The following REV3L variants were observed in gnomAD, a reference collection of about 807,000 sequenced individuals.
REV3L encodes DNA polymerase zeta catalytic subunit.
In REV3L, 69 loss-of-function variants were observed where a neutral mutation model predicts 299.4. The observed-to-expected ratio is 0.23, with a 90% CI of 0.19 to 0.28. The LOEUF is 0.28. REV3L is among the 10% of genes least tolerant of loss of function. The pLI is 1.00. For missense variants in REV3L, 3,128 were observed against 3,693.8 expected (o/e 0.85, Z 3.97); for synonymous variants, 1,238 against 1,271.4 (o/e 0.97, Z 0.56).
intron 1 of REV3L, among the ~76,000 whole-genome samples, chr6:111,416,895 C>T (rs997865847): frequency 5.3e-5 from 8 of 152,116 alleles, no homozygotes; most frequent in African/African-American, 1.2e-4. Context: ...AAACAAGAGC[C>T]TTCCCTAAAA....
intron 21 of REV3L, 116 bp downstream of exon 21, chr6:111,343,809 C>T (rs1776767482): frequency 1.1e-5 from 7 of 662,356 alleles, no homozygotes; most frequent in Admixed American, 6.8e-5. Context: ...GGATTACAGG[C>T]GTAAGCCACC....
At chr6:111,482,504 A>C (rs1008119643) in intron 1 of REV3L, among the ~76,000 whole-genome samples, 4 of 150,632 alleles carry the variant, frequency 2.7e-5, no homozygotes, top group African/African-American at 9.8e-5. Flanking sequence ...CGCAGTCTAA[A>C]CACGCGGCGC....
chr6:111,468,519 T>G (rs941840582), intron 1 of REV3L, among the ~76,000 whole-genome samples: 4 of 152,072 alleles, frequency 2.6e-5, no homozygotes, highest in Non-Finnish European at 2.9e-5. Flanking sequence ...CTCAAGCATA[T>G]GAAAAAACAC....
chr6:111,450,499 A>C (rs1020439095), intron 1 of REV3L, among the ~76,000 whole-genome samples: 4 of 150,498 alleles, frequency 2.7e-5, no homozygotes, highest in East Asian at 1.9e-4. Flanking sequence ...AAAAAAAAAA[A>C]AAAAAAACCA....
intron 11 of REV3L, among the ~76,000 whole-genome samples, chr6:111,379,753 T>C (rs909500372): frequency 2.6e-5 from 4 of 152,212 alleles, no homozygotes; most frequent in Non-Finnish European, 5.9e-5. Context: ...TGTATATAAA[T>C]GGATAACTTC....
In REV3L at chr6:111,309,893, A is replaced by G. The variant is rs778163007; in HGVS notation, c.9002T>C (p.Ile3001Thr). Residue 3001 changes from isoleucine to threonine, a missense_variant, in exon 30 of 32, where the codon ATT becomes ACT. Ile to Thr is a moderately conservative substitution (Grantham distance 89, BLOSUM62 -1). Coordinates refer to ENST00000368802, the MANE Select transcript of REV3L (RefSeq NM_001372078.1). ...LPPLARIFSL[I>T]GIDVFSWYHE... Reference sequence around the variant, plus strand: ...ATACCAGCTGAAGACATCAATACCAATAAGTGAGAAGATTCTTGCCAAGGG... The same window carrying G: ...ATACCAGCTGAAGACATCAATACCAGTAAGTGAGAAGATTCTTGCCAAGGG... The G allele has an allele frequency of 8.7e-6, 14 of 1,614,026 alleles. No homozygotes were observed. Among genetic ancestry groups the G allele is most frequent in the Admixed American group, 5.0e-5 (3 of 60,000 alleles).
At chr6:111,405,428 T>C (rs1474790596) in intron 4 of REV3L, 42 bp downstream of exon 4, 45 of 1,507,620 alleles carry the variant, frequency 3.0e-5, no homozygotes, top group Non-Finnish European at 3.7e-5. Flanking sequence ...TTTCAAAACT[T>C]TAATTTGACA....
At chr6:111,480,838 G>GT (rs56230820) in intron 1 of REV3L, among the ~76,000 whole-genome samples, 18,064 of 109,006 alleles carry the variant, frequency 0.17, 1,399 homozygotes, top group Middle Eastern at 0.27. Flanking sequence ...TTTCGTTTTT[G>GT]TTTTTTTTTT....
chr6:111,416,142 T>C, intron 2 of REV3L, 141 bp downstream of exon 2: 1 of 516,358 alleles, frequency 1.9e-6, no homozygotes, highest in East Asian at 3.3e-5. Flanking sequence ...AAAATTCATG[T>C]TAAAAAGTTA....
Position 111,309,941 on chromosome 6 carries a change from T to C in REV3L, c.8954A>G (p.Tyr2985Cys). 1.2e-6 allele frequency: 2 copies of C among 1,614,058 alleles called. No individual in the cohort carries two copies. Among genetic ancestry groups the C allele is most frequent in the Non-Finnish European group, 1.7e-6 (2 of 1,180,000 alleles). The change falls in exon 30 of 32, where the codon TAT becomes TGT. Residue 2985 changes from tyrosine (Y) to cysteine (C), a missense_variant. Physicochemically the swap from Tyr to Cys is radical, Grantham distance 194. Coordinates refer to ENST00000368802, the MANE Select transcript of REV3L (RefSeq NM_001372078.1). ...DPTLRLNATYYITKQILPPLA... is the reference protein window; with the variant it reads ...DPTLRLNATYCITKQILPPLA... Reference sequence around the variant, plus strand: ...GGGTGGAAGGATTTGCTTGGTAATATAGTAAGTAGCATTCAGTCTCAGAGT... The same window carrying C: ...GGGTGGAAGGATTTGCTTGGTAATACAGTAAGTAGCATTCAGTCTCAGAGT...
intron 13 of REV3L, among the ~76,000 whole-genome samples, chr6:111,370,596 A>G (rs1261812888): frequency 6.6e-6 from 1 of 152,238 alleles, no homozygotes; most frequent in Non-Finnish European, 1.5e-5. Flanking sequence ...CATATCCATC[A>G]TTTCACATTC....
chr6:111,367,739 C>T lies in REV3L; in HGVS notation c.6049G>A (p.Glu2017Lys), dbSNP rs764221471. The T allele has an allele frequency of 1.2e-5, 20 of 1,614,028 alleles. No individual in the cohort carries two copies. Among genetic ancestry groups the T allele is most frequent in the Non-Finnish European group, 1.5e-5 (18 of 1,180,040 alleles). Residue 2017 changes from glutamate to lysine, a missense_variant, in exon 14 of 32, where the codon GAA becomes AAA. Coordinates refer to ENST00000368802, the MANE Select transcript of REV3L (RefSeq NM_001372078.1). ...GTTTTAGGCAGTTTCTTGGAACGTT[C>T]GTATTCTTCTTTGGCTTGAAGCCAC... ...QVWLQAKEEY[E>K]RSKKLPKTKP...
chr6:111,356,971 C>A, intron 18 of REV3L, 43 bp downstream of exon 18: 1 of 1,072,492 alleles, frequency 9.3e-7, no homozygotes, highest in Non-Finnish European at 1.4e-6. Flanking sequence ...CATGAAACGA[C>A]TCTCTGAATA....
intron 21 of REV3L, among the ~76,000 whole-genome samples, chr6:111,342,636 C>G (rs2114897804): frequency 6.6e-6 from 1 of 151,068 alleles, no homozygotes; most frequent in African/African-American, 2.4e-5. Flanking sequence ...CCACTGCACT[C>G]CAGCCTGGGT....
At chr6:111,337,090 AG>A (rs1440651456) in intron 21 of REV3L, among the ~76,000 whole-genome samples, 1 of 116,766 alleles carries the variant, frequency 8.6e-6, no homozygotes, top group African/African-American at 3.3e-5. Context: ...ACTCTGGTGG[AG>A]GGGGTGATAG....
chr6:111,369,520 A>G (rs1471349198), intron 13 of REV3L, among the ~76,000 whole-genome samples: 1 of 152,076 alleles, frequency 6.6e-6, no homozygotes, highest in Admixed American at 6.6e-5. Context: ...AATATACATA[A>G]TATCTATAGT....
At chr6:111,473,579 C>A (rs1172176936) in intron 1 of REV3L, among the ~76,000 whole-genome samples, 2 of 151,614 alleles carry the variant, frequency 1.3e-5, no homozygotes, top group Non-Finnish European at 2.9e-5. Flanking sequence ...TAAAACGAAT[C>A]CTACTATAAT....
chr6:111,436,540 A>G (rs1258639752), intron 1 of REV3L, among the ~76,000 whole-genome samples: 1 of 152,188 alleles, frequency 6.6e-6, no homozygotes, highest in Admixed American at 6.5e-5. Flanking sequence ...ACAGAAAGAC[A>G]TTATTACATG....
chr6:111,341,195 C>T (rs1194166553), intron 21 of REV3L, among the ~76,000 whole-genome samples: 2 of 152,006 alleles, frequency 1.3e-5, no homozygotes, highest in East Asian at 1.9e-4. Context: ...TACAGGTGTG[C>T]ACCACCATGC....
Sources: allele counts gnomAD v4.1 joint callset (sites outside exome capture counted in the v4.1 genomes callset), GRCh38; gene constraint gnomAD v4.1.1; transcripts MANE v1.5; gene names NCBI Gene and HGNC (gene_info 2026-07-23, HGNC 2026-07-21).